The following ZNF148 variants were observed in gnomAD, a reference collection of about 807,000 sequenced individuals.
The protein encoded by ZNF148 is Beta-Enolase Repressor Factor-1.
ZNF148 carries 7 observed loss-of-function variants against 67.7 expected under a neutral mutation model. The ratio of observed to expected loss-of-function variants is 0.10; its 90% CI spans 0.06 to 0.19. ZNF148 has a LOEUF of 0.19. ZNF148 is among the 10% of genes least tolerant of loss of function. The probability of loss-of-function intolerance (pLI) is 1.00; values close to 1 mark genes in which losing one functional copy is unlikely to be tolerated. For synonymous variants in ZNF148, 333 were observed against 330.7 expected, an observed-to-expected ratio of 1.01 and a Z score of -0.08; for missense variants, 583 against 947.1, an observed-to-expected ratio of 0.62 and a Z score of 5.05.
intron 7 of ZNF148, among the ~76,000 whole-genome samples, chr3:125,261,445 A>AAGT (rs1937336140): frequency 6.6e-6 from 1 of 152,202 alleles, no homozygotes; most frequent in Non-Finnish European, 1.5e-5. Flanking sequence ...TAGCCAACGT[A>AAGT]AGTACTATGT....
intron 5 of ZNF148, among the ~76,000 whole-genome samples, chr3:125,287,560 G>C (rs1938731953): frequency 6.6e-6 from 1 of 152,142 alleles, no homozygotes; most frequent in Non-Finnish European, 1.5e-5. Flanking sequence ...GATCCCTTGA[G>C]ACTGGGAGAC....
chr3:125,232,254 T>C lies in ZNF148; in HGVS notation c.*87A>G. The C allele has an allele frequency of 7.0e-7, 1 of 1,418,626 alleles. No homozygotes were observed. Among genetic ancestry groups the C allele is most frequent in the Non-Finnish European group, 9.4e-7 (1 of 1,068,282 alleles). The allele number at this position is 1,418,626 out of a possible 1,614,324, so 87.9% of individuals were successfully genotyped here. On this transcript the variant is annotated 3_prime_UTR_variant, in exon 9 of 9. Transcript: ENST00000360647. The surrounding 1 kb of genome is among the most constrained non-coding windows in gnomAD (Gnocchi z 4.2). The stretch of plus-strand genomic sequence containing the variant: ...TGTTATTACGCATTGCTCTTAAATC[T>C]GTACAGCACTCCATTTACACAGAGT...
At chr3:125,280,426 A>G (rs1325248767) in intron 5 of ZNF148, among the ~76,000 whole-genome samples, 1 of 152,162 alleles carries the variant, frequency 6.6e-6, no homozygotes, top group Non-Finnish European at 1.5e-5. Flanking sequence ...TCAAGCCTGT[A>G]ATCCCAGCAC....
intron 1 of ZNF148, among the ~76,000 whole-genome samples, chr3:125,340,974 C>T (rs1336435181): frequency 1.8e-5 from 2 of 112,848 alleles, no homozygotes; most frequent in South Asian, 5.8e-4. Context: ...GGCGACAGAG[C>T]GAGACTCCGG....
chr3:125,276,456 G>T (rs976042476), intron 7 of ZNF148, among the ~76,000 whole-genome samples: 1 of 151,380 alleles, frequency 6.6e-6, no homozygotes, highest in African/African-American at 2.4e-5. Context: ...TTTTTGAGAC[G>T]GAGTTTCACT....
chr3:125,278,300 G>A (rs1938183428), intron 6 of ZNF148, among the ~76,000 whole-genome samples: 1 of 151,828 alleles, frequency 6.6e-6, no homozygotes, highest in African/African-American at 2.4e-5. Flanking sequence ...TCTCTGCTGG[G>A]GCTTTTCCTT....
At chr3:125,316,020 T>C (rs1221598854) in intron 3 of ZNF148, among the ~76,000 whole-genome samples, 2 of 152,208 alleles carry the variant, frequency 1.3e-5, no homozygotes, top group African/African-American at 4.8e-5. Flanking sequence ...CAGCCTCTAG[T>C]AACTATCCCC....
intron 4 of ZNF148, among the ~76,000 whole-genome samples, chr3:125,288,516 A>G (rs1938830374): frequency 6.6e-6 from 1 of 151,802 alleles, no homozygotes; most frequent in Non-Finnish European, 1.5e-5. Context: ...ACCAAGCAGA[A>G]GTCAGGAAAT....
intron 1 of ZNF148, among the ~76,000 whole-genome samples, chr3:125,340,521 T>C (rs577654566): frequency 5.0e-4 from 76 of 152,236 alleles, no homozygotes; most frequent in African/African-American, 1.7e-3. Context: ...CTCCCATCTG[T>C]AGACAATCAG....
rs35313913 is a variant in ZNF148, at chr3:125,261,825, G to GCTTTTT, written c.667+15900_667+15901insAAAAAG. Among the ~76,000 whole-genome samples the GCTTTTT allele has an allele frequency of 5.0e-5, 7 of 138,948 alleles. 2 individuals are homozygous for GCTTTTT. Among genetic ancestry groups the GCTTTTT allele is most frequent in the Non-Finnish European group, 6.2e-5 (4 of 64,888 alleles). The allele number at this position is 138,948 out of a possible 152,430, so 91.2% of individuals were successfully genotyped here. A position where few individuals can be genotyped will look rare whatever the true frequency, so the allele number is the denominator to read the frequency against. ...AAAATAACCTGACAGGGGTTGACAA[G>GCTTTTT]TTTTTTTTTTTTTTTTTTTAACACA... On this transcript the variant is annotated intron_variant, in intron 7 of 8. Transcript: ENST00000360647.
At chr3:125,310,358 CGT>C in intron 4 of ZNF148, among the ~76,000 whole-genome samples, 1 of 151,966 alleles carries the variant, frequency 6.6e-6, no homozygotes, top group African/African-American at 2.4e-5. Flanking sequence ...AGATTATAGG[CGT>C]GAGGCACCAC....
rs1477389424 is a variant in ZNF148, at chr3:125,293,005, A to C, written c.334-4777T>G. Among the ~76,000 whole-genome samples the C allele has an allele frequency of 1.5e-4, 23 of 152,204 alleles. 1 individual carries two copies. ...TAAAACAATTTCCCTCTTCTCACTA[A>C]ATTTTTTGTTTTGGAAAACAGTTAT... On this transcript the variant is annotated intron_variant, in intron 4 of 8. Coordinates refer to ENST00000360647, the MANE Select transcript of ZNF148 (RefSeq NM_021964.3).
intron 7 of ZNF148, among the ~76,000 whole-genome samples, chr3:125,261,824 A>G (rs1399402431): frequency 1.8e-5 from 1 of 55,714 alleles, no homozygotes; most frequent in Non-Finnish European, 3.6e-5. Context: ...GGGGTTGACA[A>G]GTTTTTTTTT....
At chr3:125,304,314 C>T (rs1202430581) in intron 4 of ZNF148, among the ~76,000 whole-genome samples, 1 of 152,102 alleles carries the variant, frequency 6.6e-6, no homozygotes, top group African/African-American at 2.4e-5. Flanking sequence ...GGGAAAAGGG[C>T]AGCCTGGACC....
intron 4 of ZNF148, among the ~76,000 whole-genome samples, chr3:125,306,989 AGAAG>A (rs1265703763): frequency 6.6e-6 from 1 of 152,104 alleles, no homozygotes; most frequent in Non-Finnish European, 1.5e-5. Context: ...CAGAAAACAG[AGAAG>A]GAAACACTTC....
intron 7 of ZNF148, among the ~76,000 whole-genome samples, chr3:125,269,176 TGGGCAACA>T (rs1937610051): frequency 1.7e-5 from 2 of 119,800 alleles, no homozygotes; most frequent in South Asian, 2.7e-4. Flanking sequence ...GAGACCAGCC[TGGGCAACA>T]TGGTGAAGCC....
intron 7 of ZNF148, among the ~76,000 whole-genome samples, chr3:125,266,439 T>G (rs965487335): frequency 6.6e-6 from 1 of 152,104 alleles, no homozygotes; most frequent in Non-Finnish European, 1.5e-5. Flanking sequence ...ACCACACAAT[T>G]ACTAGAAACT....
chr3:125,326,279 C>A (rs1013523041), intron 2 of ZNF148, among the ~76,000 whole-genome samples: 2 of 152,052 alleles, frequency 1.3e-5, no homozygotes, highest in African/African-American at 4.8e-5. Context: ...ATTTCTTCCT[C>A]CCTTTAAAAG....
chr3:125,369,835 G>A (rs766537182), intron 1 of ZNF148, among the ~76,000 whole-genome samples: 16 of 152,058 alleles, frequency 1.1e-4, no homozygotes, highest in Non-Finnish European at 1.5e-4. Context: ...AATTAGCTGA[G>A]CATGGTGGCA....
Sources: allele counts gnomAD v4.1 joint callset (sites outside exome capture counted in the v4.1 genomes callset), GRCh38; gene constraint gnomAD v4.1.1; non-coding constraint Gnocchi (gnomAD v3.1); transcripts MANE v1.5; gene names NCBI Gene and HGNC (gene_info 2026-07-23, HGNC 2026-07-21).